Variants in EREG observed in about 807,000 individuals in gnomAD.
EREG encodes epiregulin.
EREG carries 23 observed loss-of-function variants against 22.4 expected under a neutral mutation model. The ratio of observed to expected loss-of-function variants is 1.03; its 90% CI spans 0.74 to 1.46. The LOEUF (loss-of-function observed/expected upper bound fraction) is 1.46, where lower values mean the gene tolerates loss of function less well. EREG is among the 40% of genes most tolerant of loss of function. EREG has a pLI of 0.00. For missense variants in EREG, 226 were observed against 205.9 expected (o/e 1.10, Z -0.60); for synonymous variants, 100 against 75.4 (o/e 1.33, Z -1.69).
chr4:74,380,661 T>C (rs970968270), intron 2 of EREG, among the ~76,000 whole-genome samples: 2 of 152,190 alleles, frequency 1.3e-5, no homozygotes, highest in East Asian at 3.8e-4. Flanking sequence ...TTTTGGGACT[T>C]GAGAAAAATT....
chr4:74,372,363 A>G (rs1752304996), intron 1 of EREG, among the ~76,000 whole-genome samples: 1 of 152,212 alleles, frequency 6.6e-6, no homozygotes, highest in Non-Finnish European at 1.5e-5. Context: ...GCTCTCACTG[A>G]TTAAAACTTT....
At chr4:74,365,451 C>A in intron 1 of EREG, 76 bp downstream of exon 1, 1 of 1,323,794 alleles carries the variant, frequency 7.6e-7, no homozygotes, top group Non-Finnish European at 1.1e-6. Flanking sequence ...ATTTGTCATT[C>A]GACAAGTACG....
At chr4:74,380,789 CTTCTT>C (rs1176725389) in intron 2 of EREG, among the ~76,000 whole-genome samples, 3 of 152,132 alleles carry the variant, frequency 2.0e-5, no homozygotes, top group African/African-American at 7.2e-5. Flanking sequence ...TTCATGTTAT[CTTCTT>C]TTGTTTAGTC....
At chr4:74,372,974 A>ATTT (rs35483998) in intron 1 of EREG, among the ~76,000 whole-genome samples, 55 of 63,134 alleles carry the variant, frequency 8.7e-4, no homozygotes, top group African/African-American at 2.3e-3. Context: ...CATCTGGCTA[A>ATTT]TTTTTTTTTT....
chr4:74,372,292 G>T (rs987688358), intron 1 of EREG, among the ~76,000 whole-genome samples: 1 of 152,254 alleles, frequency 6.6e-6, no homozygotes. Flanking sequence ...TGAATAAAAA[G>T]TAATTAATTT....
intron 1 of EREG, among the ~76,000 whole-genome samples, chr4:74,372,974 A>ATTTT (rs35483998): frequency 7.9e-5 from 5 of 63,148 alleles, no homozygotes; most frequent in African/African-American, 2.0e-4. Context: ...CATCTGGCTA[A>ATTTT]TTTTTTTTTT....
chr4:74,375,039 C>T (rs901282449), intron 1 of EREG, among the ~76,000 whole-genome samples: 1 of 152,048 alleles, frequency 6.6e-6, no homozygotes, highest in Non-Finnish European at 1.5e-5. Context: ...ATCTTAGTTA[C>T]CAATGCCACC....
chr4:74,383,378 A>G (rs1376020045), intron 4 of EREG, among the ~76,000 whole-genome samples: 1 of 152,198 alleles, frequency 6.6e-6, no homozygotes, highest in Non-Finnish European at 1.5e-5. Flanking sequence ...AGCTTGGGTT[A>G]TCTTACAGTT....
At chr4:74,372,964 C>T (rs1390541548) in intron 1 of EREG, among the ~76,000 whole-genome samples, 1 of 144,446 alleles carries the variant, frequency 6.9e-6, no homozygotes, top group Non-Finnish European at 1.5e-5. Context: ...CCCACCACCA[C>T]ATCTGGCTAA....
At chr4:74,367,331 T>C (rs1752202804) in intron 1 of EREG, among the ~76,000 whole-genome samples, 2 of 152,250 alleles carry the variant, frequency 1.3e-5, no homozygotes, top group Admixed American at 6.5e-5. Context: ...TTGGGCTTGC[T>C]AGCATTTTTG....
Position 74,385,764 on chromosome 4 carries a change from G to C in EREG, c.*956G>C, listed in dbSNP as rs1454025409. 2.6e-6 allele frequency: 1 copy of C among 386,808 alleles called. No individual in the cohort carries two copies. Among genetic ancestry groups the C allele is most frequent in the East Asian group, 3.6e-5 (1 of 27,526 alleles). The allele number at this position is 386,808 out of a possible 1,614,324, so 24.0% of individuals were successfully genotyped here. On this transcript the variant is annotated 3_prime_UTR_variant, in exon 5 of 5. Transcript: ENST00000244869. The stretch of plus-strand genomic sequence containing the variant: ...TAATTATTATTTTAAAATATATGAA[G>C]ACAATAATTCTACATGTTGTCTTAA...
intron 1 of EREG, among the ~76,000 whole-genome samples, chr4:74,371,029 C>T (rs1431228059): frequency 6.6e-6 from 1 of 152,036 alleles, no homozygotes; most frequent in Non-Finnish European, 1.5e-5. Flanking sequence ...CTGGTCTCTA[C>T]CCACTAGATG....
chr4:74,381,361 A>G, intron 3 of EREG: 1 of 408,796 alleles, frequency 2.4e-6, no homozygotes, highest in Non-Finnish European at 4.4e-6. Context: ...CTATTACTCC[A>G]CTCTCTATGA....
intron 1 of EREG, among the ~76,000 whole-genome samples, chr4:74,377,724 C>T (rs1014850803): frequency 6.6e-6 from 1 of 152,174 alleles, no homozygotes; most frequent in African/African-American, 2.4e-5. Flanking sequence ...GGGAAGCAAG[C>T]CCCTTTTTCA....
At chr4:74,381,302 C>T in intron 3 of EREG, 165 bp downstream of exon 3, 1 of 574,912 alleles carries the variant, frequency 1.7e-6, no homozygotes, top group Non-Finnish European at 3.0e-6. Flanking sequence ...GGTAATTTTT[C>T]ATCCCTTAAC....
At chr4:74,365,399 C>G (rs754078463) in intron 1 of EREG, 24 bp downstream of exon 1, 1 of 1,609,878 alleles carries the variant, frequency 6.2e-7, no homozygotes, top group Non-Finnish European at 8.5e-7. Context: ...CTCTGGCTTC[C>G]GGCCGCCCCA....
intron 2 of EREG, among the ~76,000 whole-genome samples, chr4:74,380,067 C>T (rs371418056): frequency 2.0e-5 from 3 of 151,938 alleles, no homozygotes; most frequent in Admixed American, 6.6e-5. Context: ...CAGTTTTTTC[C>T]CCTCGAGGAC....
rs1053721376 is a variant in EREG, at chr4:74,387,554, C to T, written c.*2746C>T. The T allele has an allele frequency of 6.6e-6, 1 of 152,064 alleles. No homozygotes were observed. The highest frequency in any genetic ancestry group is 2.4e-5 in the African/African-American group (1 of 41,382). 9.4% of individuals were successfully genotyped at this position (152,064 alleles called of 1,614,324 possible). On this transcript the variant is annotated 3_prime_UTR_variant, in exon 5 of 5. Transcript: ENST00000244869. The stretch of plus-strand genomic sequence containing the variant: ...GCATATTAAATAATAAAGTATGACC[C>T]ACATTACTTTTTATGGGTGAAAATA...
At chr4:74,382,545 T>C (rs1752496457) in intron 3 of EREG, 100 bp from the exon 4 acceptor site, 24 of 916,744 alleles carry the variant, frequency 2.6e-5, no homozygotes, top group Non-Finnish European at 3.9e-5. Flanking sequence ...TTTGTTGATT[T>C]CTTGCATTAC....
Sources: allele counts gnomAD v4.1 joint callset (sites outside exome capture counted in the v4.1 genomes callset), GRCh38; gene constraint gnomAD v4.1.1; transcripts MANE v1.5; gene names NCBI Gene and HGNC (gene_info 2026-07-23, HGNC 2026-07-21).